The following BIRC2 variants were observed in gnomAD, a reference collection of about 807,000 sequenced individuals.
The protein encoded by BIRC2 is baculoviral IAP repeat-containing protein 2.
In BIRC2, 18 loss-of-function variants were observed where a neutral mutation model predicts 60.9. The ratio of observed to expected loss-of-function variants is 0.30; its 90% CI spans 0.20 to 0.44. The LOEUF is 0.44. Among genes scored for constraint, BIRC2 ranks in the 20% least tolerant of loss-of-function variants. BIRC2 has a pLI of 1.00. For missense variants in BIRC2, 701 were observed against 728.5 expected, an observed-to-expected ratio of 0.96 and a Z score of 0.43; for synonymous variants, 282 against 247.7, an observed-to-expected ratio of 1.14 and a Z score of -1.30.
chr11:102,375,521 C>G (rs937857125), intron 6 of BIRC2, among the ~76,000 whole-genome samples: 2 of 152,210 alleles, frequency 1.3e-5, no homozygotes, highest in African/African-American at 2.4e-5. Flanking sequence ...TGGCTCATGC[C>G]TGTAATCCCA....
chr11:102,358,723 A>G (rs1315859841), intron 3 of BIRC2, among the ~76,000 whole-genome samples: 1 of 152,158 alleles, frequency 6.6e-6, no homozygotes, highest in East Asian at 1.9e-4. Context: ...TTATATAATT[A>G]CTTTCTCTGA....
At position 102,374,488 on chromosome 11, in the gene BIRC2, G is replaced by T. The variant is rs555163761; in HGVS notation, c.1367-3008G>T. ...TCCCAGTTAGGCTGCTCGGGGGTCA[G>T]GGGTCAGGGACCCACTTGAGGAGGC... On this transcript the variant is annotated intron_variant, in intron 6 of 8. Transcript: ENST00000227758. Among the ~76,000 whole-genome samples the T allele has an allele frequency of 6.2e-3, 934 of 150,366 alleles. 8 individuals are homozygous for T. Among genetic ancestry groups the T allele is most frequent in the African/African-American group, 0.021 (852 of 40,744 alleles).
rs1951579916 is a variant in BIRC2 at position 102,368,527 on chromosome 11, C to G, written c.1345C>G (p.Gln449Glu). ...AAAAAGAGAAGAGGAGAAGGAAAAA[C>G]AAGCTGAAGAAATGGCATCAGGTAT... ...DEKREEEKEK[Q>E]AEEMASDDLS... The change falls in exon 6 of 9, where the codon CAA becomes GAA. Residue 449 changes from glutamine to glutamate, a missense_variant. By Grantham distance (29) the Gln-to-Glu change is conservative. Coordinates refer to ENST00000227758, the MANE Select transcript of BIRC2 (RefSeq NM_001166.5). 14 of 1,613,188 alleles carry G rather than the reference C, an allele frequency of 8.7e-6. No individual in the cohort carries two copies. The highest frequency in any genetic ancestry group is 1.1e-5 in the Non-Finnish European group (13 of 1,179,786).
chr11:102,358,212 G>T (rs535753904), intron 3 of BIRC2, among the ~76,000 whole-genome samples: 2 of 152,282 alleles, frequency 1.3e-5, no homozygotes, highest in South Asian at 4.1e-4. Flanking sequence ...ATTATCTGCT[G>T]TTTGATGGAA....
Position 102,361,960 on chromosome 11 carries a change from C to G in BIRC2, c.996-936C>G, listed in dbSNP as rs191720343. Among the ~76,000 whole-genome samples, 4 of 151,674 alleles carry G rather than the reference C, an allele frequency of 2.6e-5. No individual in the cohort carries two copies. The East Asian group carries it at 7.8e-4, about 29-fold the overall frequency. ...TGTGGGTGGAAGAAGGCTGATGTCT[C>G]CTAGTCTGCTGTCTTGCTGATGTCA... On this transcript the variant is annotated intron_variant, in intron 3 of 8. Transcript: ENST00000227758.
rs1022354207 is a variant in BIRC2 at position 102,349,039 on chromosome 11, G to C, written c.-816G>C. 1.1e-4 allele frequency: 17 copies of C among 153,766 alleles called. No individual in the cohort carries two copies. Among genetic ancestry groups the C allele is most frequent in the African/African-American group, 4.1e-4 (17 of 41,456 alleles). 9.5% of individuals were successfully genotyped at this position (153,766 alleles called of 1,614,324 possible). On this transcript the variant is annotated 5_prime_UTR_variant, in exon 2 of 9. Transcript: ENST00000227758. Reference sequence around the variant, plus strand: ...TACCTTCAGTTGATCAAGAATAATAGTGGTATACAAAGTTAGGAAGAAAGT... The same window carrying C: ...TACCTTCAGTTGATCAAGAATAATACTGGTATACAAAGTTAGGAAGAAAGT...
At chr11:102,363,911 C>T (rs1166023550) in intron 5 of BIRC2, among the ~76,000 whole-genome samples, 195 bp downstream of exon 5, 5 of 151,026 alleles carry the variant, frequency 3.3e-5, no homozygotes, top group East Asian at 2.0e-4. Flanking sequence ...AAAACTTAGC[C>T]GGGTGTGATG....
intron 1 of BIRC2, chr11:102,348,155 C>T (rs1339972503): frequency 1.3e-5 from 2 of 152,212 alleles, no homozygotes; most frequent in African/African-American, 4.8e-5. Flanking sequence ...TGCAGTTTTC[C>T]TAGTCGTGGA....
chr11:102,353,336 A>AT (rs1951384468), intron 3 of BIRC2, among the ~76,000 whole-genome samples: 1 of 151,174 alleles, frequency 6.6e-6, no homozygotes, highest in African/African-American at 2.4e-5. Flanking sequence ...CCTTTTTTTT[A>AT]TTTTTTTGAG....
chr11:102,364,174 T>TATATACACACACACACAC (rs1389968594), intron 5 of BIRC2, among the ~76,000 whole-genome samples: 6 of 78,118 alleles, frequency 7.7e-5, no homozygotes, highest in African/African-American at 4.0e-4. Flanking sequence ...TATATATATA[T>TATATACACACACACACAC]ACACACACAC....
At chr11:102,366,659 A>ACGCCCGGCCC (rs1951556197) in intron 5 of BIRC2, among the ~76,000 whole-genome samples, 1 of 151,952 alleles carries the variant, frequency 6.6e-6, no homozygotes, top group Non-Finnish European at 1.5e-5. Context: ...ATGAGCCACC[A>ACGCCCGGCCC]TGCCCGGCCC....
chr11:102,372,993 T>A (rs999422933), intron 6 of BIRC2, among the ~76,000 whole-genome samples: 3 of 151,908 alleles, frequency 2.0e-5, no homozygotes, highest in Non-Finnish European at 4.4e-5. Context: ...TTGCAACCCC[T>A]GCCTCTTTTT....
At chr11:102,367,732 T>C (rs952147458) in intron 5 of BIRC2, among the ~76,000 whole-genome samples, 1 of 152,234 alleles carries the variant, frequency 6.6e-6, no homozygotes, top group South Asian at 2.1e-4. Flanking sequence ...TCATACTGCC[T>C]TAATTACTTC....
At position 102,377,910 on chromosome 11, in the gene BIRC2, A is replaced by G. The variant is rs545621369; in HGVS notation, c.1663+12A>G. On this transcript the variant is annotated intron_variant, in intron 8 of 8. Transcript: ENST00000227758. ...AGAAGATGTTTCAGGTAAAACAAAG[A>G]TTTAAAACCAACATGAACTATTACC... 1 of 1,610,032 alleles carries G rather than the reference A, an allele frequency of 6.2e-7. No homozygotes were observed. The highest frequency in any genetic ancestry group is 2.2e-5 in the East Asian group (1 of 44,856).
chr11:102,354,805 T>C (rs542931890), intron 3 of BIRC2, among the ~76,000 whole-genome samples: 2 of 152,160 alleles, frequency 1.3e-5, no homozygotes, highest in African/African-American at 2.4e-5. Flanking sequence ...GGAGGTGATA[T>C]TTCATTTTGG....
chr11:102,363,728 ATAATTT>A lies in BIRC2; in HGVS notation c.1123+16_1123+21del. On this transcript the variant is annotated intron_variant, in intron 5 of 8. Coordinates refer to ENST00000227758, the MANE Select transcript of BIRC2 (RefSeq NM_001166.5). ...TGCTGACCCACCAAGTATGTATGAGATAATTTTAAGTATAGAGTGTAAATTTTTATA... is the reference window on the plus strand; with the variant it reads ...TGCTGACCCACCAAGTATGTATGAGATAAGTATAGAGTGTAAATTTTTATA... 2 of 1,603,154 alleles carry A rather than the reference ATAATTT, an allele frequency of 1.2e-6. No individual in the cohort carries two copies. Among genetic ancestry groups the A allele is most frequent in the Non-Finnish European group, 1.7e-6 (2 of 1,171,190 alleles).
At chr11:102,368,046 C>G (rs1951573353) in intron 5 of BIRC2, among the ~76,000 whole-genome samples, 1 of 152,158 alleles carries the variant, frequency 6.6e-6, no homozygotes, top group Admixed American at 6.5e-5. Flanking sequence ...TAATTCTTAT[C>G]CTTAGAGAAT....
chr11:102,359,441 C>A (rs1951460027), intron 3 of BIRC2, among the ~76,000 whole-genome samples: 2 of 152,222 alleles, frequency 1.3e-5, no homozygotes, highest in East Asian at 3.9e-4. Context: ...CAGTGAGTTT[C>A]ATACTTTCAT....
intron 6 of BIRC2, among the ~76,000 whole-genome samples, chr11:102,375,189 C>T (rs1017975117): frequency 3.3e-5 from 5 of 152,190 alleles, no homozygotes; most frequent in African/African-American, 9.6e-5. Context: ...CTTGGCTCCT[C>T]CCCTCCTTCA....
Sources: gnomAD v4.1 joint callset for allele counts (sites outside exome capture counted in the v4.1 genomes callset) on GRCh38, gnomAD v4.1.1 for gene constraint, MANE v1.5 for transcripts, NCBI Gene and HGNC (gene_info 2026-07-23, HGNC 2026-07-21) for gene names.